FUBP1: variants seen among roughly 807,000 people sequenced by gnomAD.
FUBP1 encodes far upstream element binding protein 1, also known as far upstream element-binding protein 1.
Under a neutral mutation model 94.9 loss-of-function variants are expected in FUBP1, and 16 were observed. The ratio of observed to expected loss-of-function variants is 0.17; its 90% CI spans 0.11 to 0.26. The LOEUF (loss-of-function observed/expected upper bound fraction) is 0.26. Among genes scored for constraint, FUBP1 ranks in the 10% least tolerant of loss-of-function variants. The pLI is 1.00. For synonymous variants in FUBP1, 279 were observed against 254.9 expected, an observed-to-expected ratio of 1.09 and a Z score of -0.90; for missense variants, 583 against 808.6, an observed-to-expected ratio of 0.72 and a Z score of 3.38.
At chr1:77,961,763 A>C (rs1474629972) in intron 14 of FUBP1, among the ~76,000 whole-genome samples, 1 of 152,194 alleles carries the variant, frequency 6.6e-6, no homozygotes, top group Non-Finnish European at 1.5e-5. Context: ...ATGTTAGGCT[A>C]ATACTGTAAA....
intron 1 of FUBP1, among the ~76,000 whole-genome samples, chr1:77,977,796 G>A (rs906974784): frequency 2.0e-5 from 3 of 152,092 alleles, no homozygotes; most frequent in Non-Finnish European, 2.9e-5. Context: ...AGTATTTCTG[G>A]TTATAAAAAA....
intron 18 of FUBP1, among the ~76,000 whole-genome samples, chr1:77,950,868 G>A (rs1309843970): frequency 1.3e-5 from 2 of 152,068 alleles, no homozygotes; most frequent in East Asian, 3.9e-4. Flanking sequence ...GCAACTGAGT[G>A]AAAGAATTTA....
intron 1 of FUBP1, among the ~76,000 whole-genome samples, chr1:77,975,750 T>C (rs985566878): frequency 2.6e-5 from 4 of 152,180 alleles, no homozygotes; most frequent in African/African-American, 9.7e-5. Flanking sequence ...TACAGCTTGA[T>C]ATACACAAAA....
intron 18 of FUBP1, among the ~76,000 whole-genome samples, chr1:77,953,542 C>A (rs1162924107): frequency 6.6e-6 from 1 of 151,998 alleles, no homozygotes; most frequent in Non-Finnish European, 1.5e-5. Flanking sequence ...TACAGAACAA[C>A]AACAGAAAAG....
Position 77,966,963 on chromosome 1 carries a change from GAAA to G in FUBP1, c.344-11_344-9del. On this transcript the variant is annotated splice_polypyrimidine_tract_variant and intron_variant, in intron 5 of 19. Transcript: ENST00000370768. ...CACCTCCTCTGCCAATTACTAGTTAGAAAAAAAAAAATTTTTTTTTTGGTTGAA... is the reference window on the plus strand; with the variant it reads ...CACCTCCTCTGCCAATTACTAGTTAGAAAAAAAATTTTTTTTTTGGTTGAA... The G allele has an allele frequency of 2.7e-6, 4 of 1,471,544 alleles. No homozygotes were observed. Among genetic ancestry groups the G allele is most frequent in the Non-Finnish European group, 3.7e-6 (4 of 1,074,448 alleles). The allele number at this position is 1,471,544 out of a possible 1,614,324, so 91.2% of individuals were successfully genotyped here. A position where few individuals can be genotyped will look rare whatever the true frequency, so the allele number is the denominator to read the frequency against.
At chr1:77,957,478 C>T (rs1654675636) in intron 16 of FUBP1, among the ~76,000 whole-genome samples, 2 of 152,198 alleles carry the variant, frequency 1.3e-5, no homozygotes, top group African/African-American at 4.8e-5. Context: ...ACTTGACTGA[C>T]CCTCACTCAT....
intron 1 of FUBP1, among the ~76,000 whole-genome samples, chr1:77,975,283 T>C (rs547959129): frequency 3.9e-5 from 6 of 152,182 alleles, no homozygotes; most frequent in Non-Finnish European, 8.8e-5. Context: ...ACCAGACATG[T>C]GAAGAAACGT....
chr1:77,948,244 C>A lies in FUBP1; in HGVS notation c.*522G>T. 1 of 1,054,720 alleles carries A rather than the reference C, an allele frequency of 9.5e-7. No individual in the cohort carries two copies. The highest frequency in any genetic ancestry group is 1.1e-6 in the Non-Finnish European group (1 of 872,402). The allele number at this position is 1,054,720 out of a possible 1,614,324, so 65.3% of individuals were successfully genotyped here. ...AATACAATAAATGGAAAAGATCCTC[C>A]AATCTACCACTATACTGCAAGGGGG... On this transcript the variant is annotated 3_prime_UTR_variant, in exon 20 of 20. Coordinates refer to ENST00000370768, the MANE Select transcript of FUBP1 (RefSeq NM_003902.5).
In FUBP1 at chr1:77,962,863, T is replaced by G. The variant is rs199866176; in HGVS notation, c.1251A>C (p.Pro417=). The change falls in exon 14 of 20, where the codon CCA becomes CCC. Residue 417 remains proline, a synonymous_variant. Coordinates refer to ENST00000370768, the MANE Select transcript of FUBP1 (RefSeq NM_003902.5). ...ACTTCATATTAGGATCTGCATTTGG[T>G]GGAGGATTTCTCTGAAGTTCTATTC... is the stretch of plus-strand genomic sequence containing the variant. ...GARIELQRNP[P]PNADPNMKLF... The G allele has an allele frequency of 1.2e-6, 2 of 1,612,304 alleles. No individual in the cohort carries two copies. The highest frequency in any genetic ancestry group is 1.7e-6 in the Non-Finnish European group (2 of 1,178,338).
chr1:77,956,730 T>C (rs1309453615), intron 16 of FUBP1, 30 bp from the exon 17 acceptor site: 6 of 1,590,910 alleles, frequency 3.8e-6, no homozygotes, highest in Non-Finnish European at 3.4e-6. Flanking sequence ...AAGGTTTGCA[T>C]GTGAAGTCTG....
chr1:77,954,198 C>T (rs976365409), intron 18 of FUBP1, among the ~76,000 whole-genome samples: 6 of 152,216 alleles, frequency 3.9e-5, no homozygotes, highest in Non-Finnish European at 7.3e-5. Context: ...GACCACAATG[C>T]TGTCAGGGCA....
chr1:77,960,468 C>A lies in FUBP1; in HGVS notation c.1372G>T (p.Val458Leu). Residue 458 changes from valine (V) to leucine (L), a missense_variant, in exon 15 of 20, where the codon GTA becomes TTA. Coordinates refer to ENST00000370768, the MANE Select transcript of FUBP1 (RefSeq NM_003902.5). ...GGPVNPLGPPVPHGPHGVPGP... is the reference protein window; with the variant it reads ...GGPVNPLGPPLPHGPHGVPGP... ...GGGACACCATGGGGCCCATGGGGTA[C>A]AGGTGGCCCTAAAGGATTTACTGGG... 6.3e-7 allele frequency: 1 copy of A among 1,599,852 alleles called. No individual in the cohort carries two copies. The highest frequency in any genetic ancestry group is 1.8e-5 in the Admixed American group (1 of 55,844).
chr1:77,956,834 T>A, intron 16 of FUBP1, 134 bp from the exon 17 acceptor site: 2 of 507,514 alleles, frequency 3.9e-6, no homozygotes, highest in Non-Finnish European at 6.7e-6. Context: ...AAAAAAAGTA[T>A]ATGAAAACTT....
At chr1:77,977,061 A>G (rs1026968130) in intron 1 of FUBP1, among the ~76,000 whole-genome samples, 1 of 152,210 alleles carries the variant, frequency 6.6e-6, no homozygotes, top group Non-Finnish European at 1.5e-5. Context: ...AAACTCTATA[A>G]ACACTTATAA....
chr1:77,961,088 T>C (rs532003036), intron 14 of FUBP1, among the ~76,000 whole-genome samples: 3 of 152,234 alleles, frequency 2.0e-5, no homozygotes, highest in Admixed American at 6.5e-5. Flanking sequence ...TGATGTTTAA[T>C]AGCACAAAAA....
chr1:77,949,008 A>C (rs1652799692), intron 19 of FUBP1, 147 bp downstream of exon 19: 1 of 949,818 alleles, frequency 1.1e-6, no homozygotes, highest in Non-Finnish European at 1.6e-6. Context: ...AAAAAAACCC[A>C]AACAATACAC....
At chr1:77,960,656 T>C in intron 14 of FUBP1, 161 bp from the exon 15 acceptor site, 1 of 548,838 alleles carries the variant, frequency 1.8e-6, no homozygotes, top group East Asian at 3.4e-5. Context: ...CTATTTCATC[T>C]GCCATAATAA....
intron 1 of FUBP1, among the ~76,000 whole-genome samples, chr1:77,974,746 C>G (rs1459314024): frequency 1.3e-5 from 2 of 152,170 alleles, no homozygotes; most frequent in Non-Finnish European, 2.9e-5. Context: ...GGATTCAATA[C>G]TATCTGTGGT....
chr1:77,965,654 A>C (rs1194665626), intron 7 of FUBP1, among the ~76,000 whole-genome samples: 1 of 152,252 alleles, frequency 6.6e-6, no homozygotes, highest in Non-Finnish European at 1.5e-5. Flanking sequence ...TAATGGGGTA[A>C]TAGCACTCAA....
Sources: allele counts gnomAD v4.1 joint callset (sites outside exome capture counted in the v4.1 genomes callset), GRCh38; gene constraint gnomAD v4.1.1; transcripts MANE v1.5; gene names NCBI Gene and HGNC (gene_info 2026-07-23, HGNC 2026-07-21).